GXYLT2: variants seen among roughly 807,000 people sequenced by gnomAD.
The protein encoded by GXYLT2 is glucoside xylosyltransferase 2, also known as glycosyltransferase 8 domain containing 4.
A neutral mutation model predicts 45.8 loss-of-function variants in GXYLT2; 53 were observed. The observed-to-expected ratio is 1.16, with a 90% CI of 0.93 to 1.46. GXYLT2 has a LOEUF of 1.46. GXYLT2 is among the 40% of genes most tolerant of loss of function. The pLI, the probability that GXYLT2 is intolerant of heterozygous loss-of-function variation, is 0.00. For synonymous variants in GXYLT2, 219 were observed against 214.2 expected (o/e 1.02, Z -0.19); for missense variants, 551 against 544.4 (o/e 1.01, Z -0.12).
intron 1 of GXYLT2, among the ~76,000 whole-genome samples, chr3:72,891,590 C>T (rs1709183787): frequency 6.6e-6 from 1 of 152,200 alleles, no homozygotes; most frequent in South Asian, 2.1e-4. Flanking sequence ...CTGGAAGCAG[C>T]AGTCCCAGTG....
intron 3 of GXYLT2, among the ~76,000 whole-genome samples, chr3:72,936,751 TACTCATTTTGTGGCTTCACTG>T (rs1710190501): frequency 6.6e-6 from 1 of 152,230 alleles, no homozygotes; most frequent in Non-Finnish European, 1.5e-5. Flanking sequence ...AAAGTATTGC[TACTCATTTTGTGGCTTCACTG>T]GAAATAATGT....
chr3:72,911,149 G>A (rs943627954), intron 2 of GXYLT2, among the ~76,000 whole-genome samples: 2 of 152,106 alleles, frequency 1.3e-5, no homozygotes, highest in African/African-American at 4.8e-5. Context: ...AAAATTAGCT[G>A]GGTGTAGTGG....
intron 5 of GXYLT2, among the ~76,000 whole-genome samples, chr3:72,961,908 A>G (rs1710777916): frequency 6.6e-6 from 1 of 152,206 alleles, no homozygotes; most frequent in Non-Finnish European, 1.5e-5. Flanking sequence ...AGGCTAGCGT[A>G]GAGGCAGAAT....
In GXYLT2 at chr3:72,955,110, G is replaced by T; in HGVS notation, c.613G>T (p.Asp205Tyr). 2.5e-6 allele frequency: 4 copies of T among 1,613,872 alleles called. No individual in the cohort carries two copies. Among genetic ancestry groups the T allele is most frequent in the Non-Finnish European group, 3.4e-6 (4 of 1,179,832 alleles). Reference protein sequence around the residue: ...QRLFLPVILKDVDSLLYVDTD... With the variant: ...QRLFLPVILKYVDSLLYVDTD... Reference sequence around the variant, plus strand: ...CTTACACACAAAGGTGATTTTAAAGGATGTGGACTCACTTCTCTACGTGGA... The same window carrying T: ...CTTACACACAAAGGTGATTTTAAAGTATGTGGACTCACTTCTCTACGTGGA... The change falls in exon 4 of 7, where the codon GAT (aspartate) becomes TAT (tyrosine). Residue 205 changes from aspartate to tyrosine, a missense_variant. Physicochemically the swap from Asp to Tyr is radical, Grantham distance 160 (BLOSUM62 -3). Transcript: ENST00000389617.
intron 1 of GXYLT2, among the ~76,000 whole-genome samples, chr3:72,892,737 C>A (rs751084034): frequency 6.6e-6 from 1 of 152,190 alleles, no homozygotes; most frequent in South Asian, 2.1e-4. Flanking sequence ...CAAAATGCTT[C>A]ATCTATGGCC....
chr3:72,915,269 A>C (rs1387461274), intron 2 of GXYLT2, among the ~76,000 whole-genome samples: 2 of 147,652 alleles, frequency 1.4e-5, no homozygotes, highest in Non-Finnish European at 3.0e-5. Context: ...AAAAGCACCA[A>C]AGGGCTGCTT....
chr3:72,948,312 CT>C (rs1281510701), intron 3 of GXYLT2, among the ~76,000 whole-genome samples: 5 of 152,004 alleles, frequency 3.3e-5, no homozygotes, highest in Non-Finnish European at 2.9e-5. Context: ...GCAGCATAAA[CT>C]TTTTTTTATC....
intron 3 of GXYLT2, among the ~76,000 whole-genome samples, chr3:72,942,339 T>C (rs1710318087): frequency 1.3e-5 from 2 of 152,106 alleles, no homozygotes; most frequent in Non-Finnish European, 2.9e-5. Flanking sequence ...TATAGAAAAT[T>C]CCAGTTAATA....
intron 2 of GXYLT2, among the ~76,000 whole-genome samples, chr3:72,920,816 G>A (rs867426876): frequency 0.032 from 4,366 of 137,852 alleles, 205 homozygotes; most frequent in African/African-American, 0.13. Flanking sequence ...ATATATATAT[G>A]TATTTTTTTT....
At chr3:72,937,301 G>A (rs1412154939) in intron 3 of GXYLT2, among the ~76,000 whole-genome samples, 2 of 152,136 alleles carry the variant, frequency 1.3e-5, no homozygotes, top group African/African-American at 2.4e-5. Flanking sequence ...ATTTATGTAT[G>A]CATAAACTAG....
chr3:72,896,431 A>T (rs1159036766), intron 1 of GXYLT2, among the ~76,000 whole-genome samples: 3 of 152,168 alleles, frequency 2.0e-5, no homozygotes, highest in East Asian at 1.9e-4. Flanking sequence ...TATATCTTTT[A>T]AAAAAGATGC....
At chr3:72,906,112 T>C (rs1443298717) in intron 1 of GXYLT2, among the ~76,000 whole-genome samples, 4 of 152,362 alleles carry the variant, frequency 2.6e-5, no homozygotes, top group South Asian at 4.1e-4. Context: ...TTGACTGTCA[T>C]TTTAGCATTA....
At chr3:72,888,649 C>A in intron 1 of GXYLT2, 141 bp downstream of exon 1, 1 of 560,734 alleles carries the variant, frequency 1.8e-6, no homozygotes, top group Non-Finnish European at 2.3e-6. Flanking sequence ...GTTTCTTAAC[C>A]CGATAGAAAA....
chr3:72,899,767 A>G (rs1323153617), intron 1 of GXYLT2, among the ~76,000 whole-genome samples: 1 of 152,216 alleles, frequency 6.6e-6, no homozygotes, highest in African/African-American at 2.4e-5. Flanking sequence ...TTGTTAAAAT[A>G]GCAAAAACGG....
chr3:72,897,874 A>C (rs1440360662), intron 1 of GXYLT2, among the ~76,000 whole-genome samples: 1 of 151,634 alleles, frequency 6.6e-6, no homozygotes, highest in Non-Finnish European at 1.5e-5. Context: ...GCTTTCTAGA[A>C]CCTCTCTAGT....
intron 2 of GXYLT2, among the ~76,000 whole-genome samples, chr3:72,914,560 T>C (rs1709698494): frequency 1.3e-5 from 2 of 149,990 alleles, no homozygotes; most frequent in African/African-American, 5.0e-5. Flanking sequence ...CGCGCGCGCT[T>C]GCGTGCGCAT....
chr3:72,906,658 G>A (rs1359595364), intron 1 of GXYLT2, among the ~76,000 whole-genome samples: 1 of 152,156 alleles, frequency 6.6e-6, no homozygotes, highest in Non-Finnish European at 1.5e-5. Context: ...GTAAAGATTT[G>A]TTGATTAATA....
At chr3:72,899,947 A>G (rs917787268) in intron 1 of GXYLT2, among the ~76,000 whole-genome samples, 3 of 152,138 alleles carry the variant, frequency 2.0e-5, no homozygotes, top group Admixed American at 6.5e-5. Context: ...TTAGGGCTGT[A>G]TTTGAAAGAA....
At chr3:72,955,935 A>C (rs1710633862) in intron 4 of GXYLT2, among the ~76,000 whole-genome samples, 1 of 152,196 alleles carries the variant, frequency 6.6e-6, no homozygotes, top group African/African-American at 2.4e-5. Flanking sequence ...AAAATTAGCC[A>C]GGAATGATGG....
Sources: allele counts gnomAD v4.1 joint callset (sites outside exome capture counted in the v4.1 genomes callset), GRCh38; gene constraint gnomAD v4.1.1; transcripts MANE v1.5; gene names NCBI Gene and HGNC (gene_info 2026-07-23, HGNC 2026-07-21).